Variants in ABL1 observed in about 807,000 individuals in gnomAD.
The protein encoded by ABL1 is ABL proto-oncogene 1, non-receptor tyrosine kinase.
Under a neutral mutation model 94.7 loss-of-function variants are expected in ABL1, and 11 were observed. That is an observed-to-expected ratio of 0.12 (90% CI 0.07 to 0.19). The LOEUF (loss-of-function observed/expected upper bound fraction) is 0.19, where lower values mean the gene tolerates loss of function less well. ABL1 is among the 10% of genes least tolerant of loss of function. ABL1 has a pLI of 1.00. For missense variants in ABL1, 1,082 were observed against 1,489.4 expected, an observed-to-expected ratio of 0.73 and a Z score of 4.50; for synonymous variants, 656 against 622.4, an observed-to-expected ratio of 1.05 and a Z score of -0.80.
intron 1 of ABL1, chr9:130,724,880 CT>C (rs1831560775): frequency 2.3e-6 from 1 of 431,902 alleles, no homozygotes; most frequent in Non-Finnish European, 4.6e-6. Context: ...TCCCTGTGGC[CT>C]TTAGTCTTTT....
rs192216086 is a variant in ABL1, at chr9:130,861,324, A to G, written c.550-1439A>G. ...TGCCTTTGGCTTGCCTGTTTTAGGA[A>G]TTCACTTGTGTTATCTCCCCAAGCA... On this transcript the variant is annotated intron_variant, in intron 3 of 10. Transcript: ENST00000318560. Among the ~76,000 whole-genome samples the G allele has an allele frequency of 5.6e-3, 855 of 152,348 alleles. 9 individuals carry two copies. Among genetic ancestry groups the G allele is most frequent in the African/African-American group, 0.02 (814 of 41,578 alleles).
chr9:130,842,365 TAA>T (rs1231493950), intron 1 of ABL1, among the ~76,000 whole-genome samples: 2 of 152,264 alleles, frequency 1.3e-5, no homozygotes, highest in Non-Finnish European at 2.9e-5. Context: ...TCTATCACAT[TAA>T]GTTGCATAAA....
chr9:130,741,838 A>G (rs1363523873), intron 1 of ABL1, among the ~76,000 whole-genome samples: 1 of 152,174 alleles, frequency 6.6e-6, no homozygotes, highest in Non-Finnish European at 1.5e-5. Flanking sequence ...GAAAAACAGG[A>G]GCAAGATAAG....
Position 130,884,240 on chromosome 9 carries a change from C to G in ABL1, c.1950C>G (p.Pro650=), listed in dbSNP as rs765099398. The change falls in exon 11 of 11, where the codon CCC becomes CCG. Residue 650 remains proline, a synonymous_variant. Transcript: ENST00000318560. The surrounding 1 kb of genome is among the most constrained non-coding windows in gnomAD (Gnocchi z 5.6). ...DISNGALAFT[P]LDTADPAKSP... is the part of the protein sequence containing the mutation. ...GCAACGGGGCACTGGCTTTCACCCC[C>G]TTGGACACAGCTGACCCAGCCAAGT... is the stretch of plus-strand genomic sequence containing the variant. The G allele has an allele frequency of 7.5e-6, 12 of 1,604,722 alleles. No homozygotes were observed. The highest frequency in any genetic ancestry group is 1.0e-5 in the Non-Finnish European group (12 of 1,175,852).
intron 1 of ABL1, among the ~76,000 whole-genome samples, chr9:130,820,808 CTTT>C (rs1314762639): frequency 3.3e-5 from 5 of 152,078 alleles, no homozygotes; most frequent in African/African-American, 1.2e-4. Context: ...GCTTTTTCCC[CTTT>C]TTTATTAGCA....
At chr9:130,850,831 A>C (rs576856572) in intron 1 of ABL1, among the ~76,000 whole-genome samples, 2 of 152,312 alleles carry the variant, frequency 1.3e-5, no homozygotes, top group South Asian at 2.1e-4. Context: ...TTCAAAGGAC[A>C]GTCTTTGGCC....
In ABL1 at chr9:130,885,454, C is replaced by T. The variant is rs369398388; in HGVS notation, c.3164C>T (p.Ala1055Val). The change falls in exon 11 of 11, where the codon GCA (alanine) becomes GTA (valine). Residue 1055 changes from alanine to valine, a missense_variant. Transcript: ENST00000318560. Reference protein sequence around the residue: ...RNSEQMASHSAVLEAGKNLYT... With the variant: ...RNSEQMASHSVVLEAGKNLYT... ...TCCGAGCAGATGGCCAGCCACAGCG[C>T]AGTGCTGGAGGCCGGCAAAAACCTC... 6.2e-7 allele frequency: 1 copy of T among 1,613,974 alleles called. No individual in the cohort carries two copies. The highest frequency in any genetic ancestry group is 8.5e-7 in the Non-Finnish European group (1 of 1,180,042).
At chr9:130,804,127 C>T (rs1830092174) in intron 1 of ABL1, among the ~76,000 whole-genome samples, 1 of 151,238 alleles carries the variant, frequency 6.6e-6, no homozygotes, top group African/African-American at 2.4e-5. Context: ...GAGGCTGAGG[C>T]GGGTGGATCA....
chr9:130,868,520 C>A (rs373042483), intron 4 of ABL1, among the ~76,000 whole-genome samples: 2 of 112,114 alleles, frequency 1.8e-5, no homozygotes, highest in Admixed American at 9.2e-5. Flanking sequence ...TTTTCTTTTT[C>A]TTTTTTTTTT....
At chr9:130,771,895 A>C (rs1832258016) in intron 1 of ABL1, among the ~76,000 whole-genome samples, 1 of 151,762 alleles carries the variant, frequency 6.6e-6, no homozygotes, top group South Asian at 2.1e-4. Context: ...CTGGGGCTAC[A>C]GGCACGTGCC....
intron 1 of ABL1, among the ~76,000 whole-genome samples, chr9:130,818,764 T>C (rs115045629): frequency 0.014 from 2,100 of 152,332 alleles, 62 homozygotes; most frequent in African/African-American, 0.049. Context: ...CCTTTCACCT[T>C]TGTGGAAGAT....
chr9:130,874,624 C>T (rs1564319526), intron 6 of ABL1, among the ~76,000 whole-genome samples: 1 of 152,218 alleles, frequency 6.6e-6, no homozygotes, highest in Non-Finnish European at 1.5e-5. Flanking sequence ...GGGTAATTAA[C>T]TTGCTCCAGG....
At chr9:130,725,833 T>TGTTG (rs1380959240) in intron 1 of ABL1, among the ~76,000 whole-genome samples, 1 of 91,892 alleles carries the variant, frequency 1.1e-5, no homozygotes, top group African/African-American at 5.7e-5. Context: ...GGTTTTTTTT[T>TGTTG]TTTTTTTTTT....
At chr9:130,871,983 A>G (rs1831257899) in intron 4 of ABL1, 146 bp from the exon 5 acceptor site, 3 of 653,890 alleles carry the variant, frequency 4.6e-6, no homozygotes, top group Non-Finnish European at 5.3e-6. Flanking sequence ...GCTGTCATGG[A>G]ACCTGTCTGC....
At position 130,850,916 on chromosome 9, in the gene ABL1, G is replaced by T. The variant is rs561054323; in HGVS notation, c.80-3148G>T. On this transcript the variant is annotated intron_variant, in intron 1 of 10. Coordinates refer to ENST00000318560, the MANE Select transcript of ABL1 (RefSeq NM_005157.6). ...ACGTTGTTGTTTTTTGTTTGTTTTT[G>T]TTTGTTTGTTTGTTTGTTTGTTTTT... Among the ~76,000 whole-genome samples the T allele has an allele frequency of 1.1e-4, 14 of 131,240 alleles. No homozygotes were observed. The South Asian group carries it at 3.0e-3, about 28-fold the overall frequency. 86.1% of individuals were successfully genotyped at this position (131,240 alleles called of 152,430 possible).
intron 4 of ABL1, among the ~76,000 whole-genome samples, chr9:130,869,064 G>A (rs1325671326): frequency 6.6e-6 from 1 of 152,082 alleles, no homozygotes; most frequent in African/African-American, 2.4e-5. Flanking sequence ...CTACTCGGGA[G>A]GCTGAGGCAG....
intron 1 of ABL1, among the ~76,000 whole-genome samples, chr9:130,722,686 G>A (rs1831531657): frequency 6.6e-6 from 1 of 152,036 alleles, no homozygotes; most frequent in African/African-American, 2.4e-5. Flanking sequence ...GCATTCAGTT[G>A]TTTCCAATAG....
chr9:130,857,537 G>A (rs527811920), intron 3 of ABL1, among the ~76,000 whole-genome samples: 1 of 151,678 alleles, frequency 6.6e-6, no homozygotes, highest in African/African-American at 2.4e-5. Flanking sequence ...TCTTCCATTG[G>A]TCTGTCTATC....
At chr9:130,810,757 GAA>G (rs994881424) in intron 1 of ABL1, among the ~76,000 whole-genome samples, 13 of 138,202 alleles carry the variant, frequency 9.4e-5, no homozygotes, top group African/African-American at 3.2e-4. Context: ...TATAGAGAGA[GAA>G]AAAAAAATGG....
Sources: allele counts gnomAD v4.1 joint callset (sites outside exome capture counted in the v4.1 genomes callset), GRCh38; gene constraint gnomAD v4.1.1; non-coding constraint Gnocchi (gnomAD v3.1); transcripts MANE v1.5; gene names NCBI Gene and HGNC (gene_info 2026-07-23, HGNC 2026-07-21).